The following CTNND2 variants were observed in gnomAD, a reference collection of about 807,000 sequenced individuals.
CTNND2 encodes the protein catenin delta 2, also known as catenin delta-2.
In CTNND2, 22 loss-of-function variants were observed where a neutral mutation model predicts 144.4. That is an observed-to-expected ratio of 0.15 (90% CI 0.11 to 0.22). CTNND2 has a LOEUF of 0.22. Among genes scored for constraint, CTNND2 ranks in the 10% least tolerant of loss-of-function variants. The pLI is 1.00. For synonymous variants in CTNND2, 751 were observed against 695.6 expected (o/e 1.08, Z -1.25); for missense variants, 1,353 against 1,618.8 (o/e 0.84, Z 2.82).
chr5:11,155,635 C>G (rs183755939), intron 12 of CTNND2, among the ~76,000 whole-genome samples: 1 of 152,152 alleles, frequency 6.6e-6, no homozygotes, highest in Non-Finnish European at 1.5e-5. Flanking sequence ...CCCCCGCAAC[C>G]CCACCTCCCC....
intron 3 of CTNND2, among the ~76,000 whole-genome samples, chr5:11,518,507 A>G (rs1366573499): frequency 6.6e-6 from 1 of 152,226 alleles, no homozygotes; most frequent in Admixed American, 6.5e-5. Context: ...TCTTGAGTCT[A>G]CAGTAGTGAA....
chr5:11,352,821 G>T (rs1203385106), intron 8 of CTNND2, among the ~76,000 whole-genome samples: 1 of 152,168 alleles, frequency 6.6e-6, no homozygotes, highest in East Asian at 1.9e-4. Context: ...TTCTAAGAAT[G>T]TTATGGCGAT....
At chr5:11,887,812 C>CT (rs1447004493) in intron 1 of CTNND2, among the ~76,000 whole-genome samples, 4 of 152,084 alleles carry the variant, frequency 2.6e-5, no homozygotes, top group Non-Finnish European at 5.9e-5. Flanking sequence ...TTTTTGATGC[C>CT]TTTGACAGTT....
chr5:11,262,785 A>G (rs565859881), intron 9 of CTNND2, among the ~76,000 whole-genome samples: 3,041 of 147,970 alleles, frequency 0.021, 46 homozygotes, highest in Non-Finnish European at 0.034. Flanking sequence ...AAAAAAAAAA[A>G]AAAGAAAGAA....
chr5:11,829,251 T>C (rs573268523), intron 1 of CTNND2, among the ~76,000 whole-genome samples: 1 of 152,308 alleles, frequency 6.6e-6, no homozygotes, highest in South Asian at 2.1e-4. Context: ...TCCAAGCTTC[T>C]GGCAGAAATT....
rs567916095 is a variant in CTNND2, at chr5:11,139,617, G to A, written c.2159+19959C>T. On this transcript the variant is annotated intron_variant, in intron 12 of 21. Coordinates refer to ENST00000304623, the MANE Select transcript of CTNND2 (RefSeq NM_001332.4). ...CTCGTGTCCTGCTGGCCAGCTGCTC[G>A]TGCAGCTCTGCTCCCTGAGTGCTGA... is the stretch of plus-strand genomic sequence containing the variant. Among the ~76,000 whole-genome samples, 29 of 152,302 alleles carry A rather than the reference G, an allele frequency of 1.9e-4. 1 individual carries two copies. In the South Asian group the frequency reaches 2.9e-3, roughly 15 times the overall value.
intron 16 of CTNND2, among the ~76,000 whole-genome samples, chr5:11,050,511 A>G (rs1264459966): frequency 6.6e-6 from 1 of 152,230 alleles, no homozygotes; most frequent in African/African-American, 2.4e-5. Flanking sequence ...AATTTAAAAT[A>G]AAGTATAATT....
chr5:11,671,464 T>C (rs1029257811), intron 2 of CTNND2, among the ~76,000 whole-genome samples: 3 of 152,096 alleles, frequency 2.0e-5, no homozygotes, highest in Non-Finnish European at 4.4e-5. Flanking sequence ...TCTTGGAGGC[T>C]TTGTTCATTT....
At chr5:11,661,091 G>A (rs1392193700) in intron 2 of CTNND2, among the ~76,000 whole-genome samples, 1 of 152,070 alleles carries the variant, frequency 6.6e-6, no homozygotes, top group African/African-American at 2.4e-5. Flanking sequence ...ACAGTGAGTG[G>A]CTTTCCGAAT....
chr5:11,137,461 T>C (rs898598314), intron 12 of CTNND2, among the ~76,000 whole-genome samples: 2 of 152,232 alleles, frequency 1.3e-5, no homozygotes, highest in East Asian at 3.8e-4. Flanking sequence ...TTTTCCTTGC[T>C]TGTTATATTC....
chr5:11,471,831 A>G (rs535378201), intron 3 of CTNND2, among the ~76,000 whole-genome samples: 1 of 152,352 alleles, frequency 6.6e-6, no homozygotes, highest in East Asian at 1.9e-4. Context: ...ATTAGGTTTA[A>G]TATGGCATTA....
intron 10 of CTNND2, among the ~76,000 whole-genome samples, chr5:11,203,298 G>A (rs901786324): frequency 5.3e-5 from 8 of 152,280 alleles, no homozygotes; most frequent in African/African-American, 9.6e-5. Context: ...AAGTTGTCTA[G>A]TTCCAATTTA....
At chr5:11,154,269 G>A (rs1034487810) in intron 12 of CTNND2, among the ~76,000 whole-genome samples, 1 of 152,166 alleles carries the variant, frequency 6.6e-6, no homozygotes, top group African/African-American at 2.4e-5. Context: ...GGAAAGGTTG[G>A]CTCATAAATA....
At chr5:11,406,598 T>C (rs1761120094) in intron 5 of CTNND2, among the ~76,000 whole-genome samples, 3 of 152,198 alleles carry the variant, frequency 2.0e-5, no homozygotes, top group Admixed American at 2.0e-4. Context: ...TTAGGTTTTA[T>C]AGCTTTTAAA....
At chr5:11,008,899 G>A (rs1379386451) in intron 18 of CTNND2, among the ~76,000 whole-genome samples, 2 of 152,132 alleles carry the variant, frequency 1.3e-5, no homozygotes, top group Non-Finnish European at 2.9e-5. Flanking sequence ...GGCAGGCCTG[G>A]TGTCTTCAGT....
intron 11 of CTNND2, among the ~76,000 whole-genome samples, chr5:11,180,610 C>T (rs1217548716): frequency 2.0e-5 from 3 of 152,134 alleles, no homozygotes; most frequent in African/African-American, 4.8e-5. Flanking sequence ...TGTTCATGTC[C>T]CTGACCCCCA....
At chr5:11,721,336 A>T (rs1445095700) in intron 2 of CTNND2, among the ~76,000 whole-genome samples, 1 of 152,138 alleles carries the variant, frequency 6.6e-6, no homozygotes, top group East Asian at 1.9e-4. Flanking sequence ...CACATAAAAA[A>T]GGGAACAGTA....
intron 18 of CTNND2, among the ~76,000 whole-genome samples, chr5:11,012,413 G>T (rs1350309950): frequency 1.3e-5 from 2 of 152,218 alleles, no homozygotes; most frequent in Admixed American, 1.3e-4. Context: ...TGCTTCCAGA[G>T]AACATGCTGC....
intron 9 of CTNND2, among the ~76,000 whole-genome samples, chr5:11,285,158 T>A (rs1001833648): frequency 4.6e-5 from 7 of 152,226 alleles, no homozygotes; most frequent in Admixed American, 4.6e-4. Context: ...AGGTTATATC[T>A]GCTGCCCCAG....
Sources: allele counts gnomAD v4.1 joint callset (sites outside exome capture counted in the v4.1 genomes callset), GRCh38; gene constraint gnomAD v4.1.1; transcripts MANE v1.5; gene names NCBI Gene and HGNC (gene_info 2026-07-23, HGNC 2026-07-21).